Variants in GEMIN5 observed in about 807,000 individuals in gnomAD.
GEMIN5 encodes gem nuclear organelle associated protein 5.
In GEMIN5, 124 loss-of-function variants were observed where a neutral mutation model predicts 176.9. That is an observed-to-expected ratio of 0.70 (90% CI 0.61 to 0.81). The LOEUF is 0.81. Ranked by LOEUF, GEMIN5 falls within the 40% of genes least tolerant of loss-of-function variation. The pLI, the probability that GEMIN5 is intolerant of heterozygous loss-of-function variation, is 0.00. For missense variants in GEMIN5, 1,843 were observed against 1,814.6 expected, an observed-to-expected ratio of 1.02 and a Z score of -0.28; for synonymous variants, 673 against 665.2, an observed-to-expected ratio of 1.01 and a Z score of -0.18.
intron 26 of GEMIN5, 146 bp from the exon 27 acceptor site, chr5:154,889,563 T>A: frequency 2.0e-6 from 1 of 505,820 alleles, no homozygotes; most frequent in South Asian, 3.5e-5. Context: ...TGATTTTAAA[T>A]AAATTCATAA....
rs1326936326 is a variant in GEMIN5, at chr5:154,903,181, A to C, written c.2633-6T>G. 1.3e-6 allele frequency: 2 copies of C among 1,599,536 alleles called. No individual in the cohort carries two copies. On this transcript the variant is annotated splice_region_variant and splice_polypyrimidine_tract_variant and intron_variant, in intron 18 of 27. Transcript: ENST00000285873. The stretch of plus-strand genomic sequence containing the variant: ...AGACACATCTTCATTCAGCTCTGTT[A>C]ATTTAAAAAGGCAAAAAAATCAGAT...
Position 154,902,637 on chromosome 5 carries a change from T to G in GEMIN5, c.2768A>C (p.His923Pro), listed in dbSNP as rs1763488906. The change falls in exon 20 of 28, where the codon CAC becomes CCC. Residue 923 changes from histidine (H) to proline (P), a missense_variant. Coordinates refer to ENST00000285873, the MANE Select transcript of GEMIN5 (RefSeq NM_015465.5). ...HLENGHPELF[H>P]QLMLWKGDLK... ...ATCTCCTTTCCAAAGCATAAGCTGG[T>G]GAAATAACTCAGGGTGGCCATTTTC... 1.2e-6 allele frequency: 2 copies of G among 1,613,952 alleles called. No individual in the cohort carries two copies. The highest frequency in any genetic ancestry group is 1.7e-5 in the Admixed American group (1 of 60,010).
intron 5 of GEMIN5, among the ~76,000 whole-genome samples, chr5:154,930,558 G>A (rs955419239): frequency 7.2e-5 from 11 of 152,098 alleles, no homozygotes; most frequent in South Asian, 2.1e-4. Context: ...AATGAACCTC[G>A]GGGATATATG....
chr5:154,903,428 A>G (rs1763504367), intron 18 of GEMIN5, among the ~76,000 whole-genome samples: 1 of 152,188 alleles, frequency 6.6e-6, no homozygotes, highest in Admixed American at 6.5e-5. Flanking sequence ...AGCAAAAGAA[A>G]GTCCTTAATA....
intron 14 of GEMIN5, among the ~76,000 whole-genome samples, chr5:154,912,615 G>C (rs1276337165): frequency 6.6e-6 from 1 of 152,056 alleles, no homozygotes; most frequent in Non-Finnish European, 1.5e-5. Flanking sequence ...TATCATATTA[G>C]TCCACCATAC....
chr5:154,888,435 C>G, intron 27 of GEMIN5, 58 bp from the exon 28 acceptor site: 2 of 1,468,892 alleles, frequency 1.4e-6, no homozygotes, highest in Non-Finnish European at 1.9e-6. Flanking sequence ...GCCACAAACA[C>G]CTGCACAGAA....
At chr5:154,903,324 G>A in intron 18 of GEMIN5, 149 bp from the exon 19 acceptor site, 3 of 593,962 alleles carry the variant, frequency 5.1e-6, no homozygotes, top group South Asian at 2.1e-5. Context: ...AGTTACAAAG[G>A]GAGCAAAACA....
Position 154,891,761 on chromosome 5 carries a change from G to T in GEMIN5, c.3761-19C>A. Reference sequence around the variant, plus strand: ...TCACAGCCTAGGAAAAGAGGAAAAAGATACTGGGTCATGCATTTCTCTAGT... The same window carrying T: ...TCACAGCCTAGGAAAAGAGGAAAAATATACTGGGTCATGCATTTCTCTAGT... On this transcript the variant is annotated intron_variant, in intron 25 of 27. Coordinates refer to ENST00000285873, the MANE Select transcript of GEMIN5 (RefSeq NM_015465.5). 6.4e-7 allele frequency: 1 copy of T among 1,555,738 alleles called. No individual in the cohort carries two copies. Among genetic ancestry groups the T allele is most frequent in the Non-Finnish European group, 8.6e-7 (1 of 1,158,626 alleles).
At position 154,936,234 on chromosome 5, in the gene GEMIN5, G is replaced by A. The variant is rs148229206; in HGVS notation, c.328-212C>T. 3.6e-3 allele frequency among the ~76,000 whole-genome samples: 553 copies of A among 152,182 alleles called. 3 individuals are homozygous for A. The highest frequency in any genetic ancestry group is 0.014 in the Middle Eastern group (4 of 294). Reference sequence around the variant, plus strand: ...GATCGAGACCATCCTGGCTAACATGGTGAAACCCCATCTCTGCTAAAAACA... The same window carrying A: ...GATCGAGACCATCCTGGCTAACATGATGAAACCCCATCTCTGCTAAAAACA... On this transcript the variant is annotated intron_variant, in intron 2 of 27. Coordinates refer to ENST00000285873, the MANE Select transcript of GEMIN5 (RefSeq NM_015465.5).
chr5:154,900,793 C>T (rs551316212), intron 21 of GEMIN5, among the ~76,000 whole-genome samples: 1 of 152,298 alleles, frequency 6.6e-6, no homozygotes, highest in South Asian at 2.1e-4. Flanking sequence ...GTAAGCTGAA[C>T]AATTCCCAGA....
At chr5:154,915,787 C>T (rs544600598) in intron 13 of GEMIN5, among the ~76,000 whole-genome samples, 37 of 152,172 alleles carry the variant, frequency 2.4e-4, no homozygotes, top group African/African-American at 7.2e-4. Flanking sequence ...AAACTGCTGG[C>T]GGAAGTATTA....
At chr5:154,902,460 G>A in intron 20 of GEMIN5, 79 bp downstream of exon 20, 1 of 1,321,178 alleles carries the variant, frequency 7.6e-7, no homozygotes, top group East Asian at 2.3e-5. Context: ...TTAAGACTGT[G>A]CTAAGAGCCA....
chr5:154,913,178 G>C, intron 13 of GEMIN5, 140 bp from the exon 14 acceptor site: 1 of 686,578 alleles, frequency 1.5e-6, no homozygotes, highest in Non-Finnish European at 2.3e-6. Flanking sequence ...TTGAGATGGA[G>C]TTTCGCTCTT....
At chr5:154,913,063 C>T in intron 13 of GEMIN5, 25 bp from the exon 14 acceptor site, 1 of 1,576,208 alleles carries the variant, frequency 6.3e-7, no homozygotes, top group Non-Finnish European at 8.6e-7. Context: ...AAAGACATCA[C>T]TGCTGCTACT....
chr5:154,890,686 C>T (rs1430472769), intron 26 of GEMIN5, among the ~76,000 whole-genome samples: 2 of 152,122 alleles, frequency 1.3e-5, no homozygotes, highest in Non-Finnish European at 2.9e-5. Flanking sequence ...CCAGGCTGAA[C>T]TTGAGCTCCT....
In GEMIN5 at chr5:154,888,059, G is replaced by C; in HGVS notation, c.*151C>G. On this transcript the variant is annotated 3_prime_UTR_variant, in exon 28 of 28. Coordinates refer to ENST00000285873, the MANE Select transcript of GEMIN5 (RefSeq NM_015465.5). ...ATCCACCGTTGTCTATGGGTAGGCA[G>C]GGTTGATTCAAACTTAATCCTTGTT... The C allele has an allele frequency of 1.4e-6, 1 of 700,730 alleles. No individual in the cohort carries two copies. The highest frequency in any genetic ancestry group is 1.8e-5 in the South Asian group (1 of 56,606). The allele number at this position is 700,730 out of a possible 1,614,324, so 43.4% of individuals were successfully genotyped here. A position where few individuals can be genotyped will look rare whatever the true frequency, so the allele number is the denominator to read the frequency against.
In GEMIN5 at chr5:154,904,569, T is replaced by C. The variant is rs1480724471; in HGVS notation, c.2570A>G (p.His857Arg). The change falls in exon 18 of 28, where the codon CAC becomes CGC. Residue 857 changes from histidine (H) to arginine (R), a missense_variant. Coordinates refer to ENST00000285873, the MANE Select transcript of GEMIN5 (RefSeq NM_015465.5). ...CTGATGAAGCTCCTCTTTGGATCTG[T>C]GGTCCAGGCTTGTACTCAGGGGAAG... ...SLLPLSTSLD[H>R]RSKEELHQDC... 6.2e-7 allele frequency: 1 copy of C among 1,612,230 alleles called. No individual in the cohort carries two copies.
intron 14 of GEMIN5, among the ~76,000 whole-genome samples, 159 bp downstream of exon 14, chr5:154,912,740 T>G (rs950404972): frequency 6.7e-6 from 1 of 150,342 alleles, no homozygotes; most frequent in Non-Finnish European, 1.5e-5. Flanking sequence ...CTAGGCCCTA[T>G]GTGGAATGAA....
chr5:154,908,171 CCTTTTT>C (rs983132335), intron 15 of GEMIN5, among the ~76,000 whole-genome samples: 1 of 88,696 alleles, frequency 1.1e-5, no homozygotes, highest in African/African-American at 4.5e-5. Context: ...ACCCAGATGT[CCTTTTT>C]TTTTTTTTTT....
Sources: allele counts gnomAD v4.1 joint callset (sites outside exome capture counted in the v4.1 genomes callset), GRCh38; gene constraint gnomAD v4.1.1; transcripts MANE v1.5; gene names NCBI Gene and HGNC (gene_info 2026-07-23, HGNC 2026-07-21).